The following MCCC1 variants were observed in gnomAD, a reference collection of about 807,000 sequenced individuals.
MCCC1 encodes methylcrotonoyl-CoA carboxylase subunit alpha, mitochondrial.
A neutral mutation model predicts 83.8 loss-of-function variants in MCCC1; 64 were observed. The observed-to-expected ratio is 0.76, with a 90% CI of 0.62 to 0.94. The LOEUF (loss-of-function observed/expected upper bound fraction) is 0.94, where lower values mean the gene tolerates loss of function less well. Among genes scored for constraint, MCCC1 ranks in the 40% least tolerant of loss-of-function variants. The pLI is 0.00. For missense variants in MCCC1, 807 were observed against 904.7 expected, an observed-to-expected ratio of 0.89 and a Z score of 1.39; for synonymous variants, 322 against 315.4, an observed-to-expected ratio of 1.02 and a Z score of -0.22.
intron 4 of MCCC1, among the ~76,000 whole-genome samples, chr3:183,078,768 T>C (rs1276319720): frequency 6.6e-6 from 1 of 152,222 alleles, no homozygotes; most frequent in African/African-American, 2.4e-5. Context: ...TAGTCTGTTT[T>C]CACACTGCTG....
chr3:183,034,453 T>TC (rs1183887448), intron 13 of MCCC1, among the ~76,000 whole-genome samples: 1 of 63,402 alleles, frequency 1.6e-5, no homozygotes, highest in Non-Finnish European at 2.9e-5. Context: ...AGACTCCGTC[T>TC]CAAAAAAAAA....
chr3:183,101,385 G>A (rs1719286273), upstream of MCCC1, among the ~76,000 whole-genome samples: 3 of 152,240 alleles, frequency 2.0e-5, no homozygotes, highest in Admixed American at 2.0e-4. Flanking sequence ...GGGACGTGGA[G>A]AGTCTTTATA....
intron 10 of MCCC1, among the ~76,000 whole-genome samples, chr3:183,043,476 A>G (rs1714284987): frequency 6.6e-6 from 1 of 152,164 alleles, no homozygotes; most frequent in Non-Finnish European, 1.5e-5. Context: ...TTCCCTGAAC[A>G]CTGTTAACTA....
At chr3:183,047,996 C>G (rs1714679082) in intron 9 of MCCC1, among the ~76,000 whole-genome samples, 1 of 152,084 alleles carries the variant, frequency 6.6e-6, no homozygotes, top group Non-Finnish European at 1.5e-5. Context: ...TATATCTAAA[C>G]CTAAAGAAAG....
At chr3:183,054,051 T>G (rs1264225003) in intron 8 of MCCC1, among the ~76,000 whole-genome samples, 2 of 148,586 alleles carry the variant, frequency 1.3e-5, no homozygotes, top group Non-Finnish European at 3.0e-5. Context: ...CCAGATAATT[T>G]TTATATTTTT....
intron 15 of MCCC1, 58 bp downstream of exon 15, chr3:183,025,697 C>G: frequency 7.2e-7 from 1 of 1,393,550 alleles, no homozygotes; most frequent in Non-Finnish European, 1.0e-6. Flanking sequence ...AGACCCTATT[C>G]AGTATAAAAG....
In MCCC1 at chr3:183,055,125, C is replaced by T. The variant is rs142912087; in HGVS notation, c.873+2186G>A. ...GCATTAAAAAGGATAAAAAGCTGGCCGGGTGCGGTGGCTCAAGCCTGTACT... is the reference window on the plus strand; with the variant it reads ...GCATTAAAAAGGATAAAAAGCTGGCTGGGTGCGGTGGCTCAAGCCTGTACT... On this transcript the variant is annotated intron_variant, in intron 8 of 18. Transcript: ENST00000265594. 6.7e-3 allele frequency among the ~76,000 whole-genome samples: 1,015 copies of T among 152,086 alleles called. 9 individuals are homozygous for T. The highest frequency in any genetic ancestry group is 0.023 in the African/African-American group (958 of 41,466).
intron 3 of MCCC1, among the ~76,000 whole-genome samples, chr3:183,087,745 C>G (rs913934954): frequency 4.7e-5 from 7 of 148,440 alleles, no homozygotes; most frequent in Non-Finnish European, 8.9e-5. Flanking sequence ...GTGGTCGGCA[C>G]CCGTAGTCCC....
chr3:183,084,484 T>C lies in MCCC1; in HGVS notation c.369+2209A>G, dbSNP rs568634164. Among the ~76,000 whole-genome samples the C allele has an allele frequency of 7.9e-5, 12 of 152,348 alleles. No homozygotes were observed. The South Asian group carries it at 1.9e-3, about 24-fold the overall frequency. On this transcript the variant is annotated intron_variant, in intron 4 of 18. Coordinates refer to ENST00000265594, the MANE Select transcript of MCCC1 (RefSeq NM_020166.5). ...TCTCCTTACCCTCCTAAGGACCTTT[T>C]ACTTCAAGCTGTAACCAAAAAAGCT...
At chr3:183,046,508 C>G (rs1315526279) in intron 9 of MCCC1, among the ~76,000 whole-genome samples, 1 of 151,852 alleles carries the variant, frequency 6.6e-6, no homozygotes, top group Non-Finnish European at 1.5e-5. Context: ...AGCAATTCCT[C>G]CACCTCAGCC....
chr3:183,055,884 C>T (rs755852229), intron 8 of MCCC1, among the ~76,000 whole-genome samples: 7 of 152,056 alleles, frequency 4.6e-5, no homozygotes, highest in Non-Finnish European at 8.8e-5. Context: ...GATGACAAAG[C>T]GAGACCCTGT....
At chr3:183,060,374 A>G (rs1377372024) in intron 7 of MCCC1, among the ~76,000 whole-genome samples, 1 of 152,218 alleles carries the variant, frequency 6.6e-6, no homozygotes, top group East Asian at 1.9e-4. Flanking sequence ...TAACAAAATT[A>G]TAGGAAAAAG....
upstream of MCCC1, among the ~76,000 whole-genome samples, chr3:183,103,634 C>T (rs146916190): frequency 1.9e-4 from 29 of 152,310 alleles, no homozygotes; most frequent in African/African-American, 6.7e-4. Context: ...CTGAGCTAGA[C>T]GTAAAGGTTC....
chr3:183,024,588 C>A (rs2108444797), intron 15 of MCCC1, among the ~76,000 whole-genome samples: 1 of 150,964 alleles, frequency 6.6e-6, no homozygotes. Flanking sequence ...ATACTACTAC[C>A]TCACACTCAT....
In MCCC1 at chr3:183,031,482, T is replaced by C. The variant is rs1326122065; in HGVS notation, c.1681+2509A>G. Among the ~76,000 whole-genome samples the C allele has an allele frequency of 2.0e-5, 3 of 147,672 alleles. No individual in the cohort carries two copies. The East Asian group carries it at 6.0e-4, about 30-fold the overall frequency. On this transcript the variant is annotated intron_variant, in intron 14 of 18. Coordinates refer to ENST00000265594, the MANE Select transcript of MCCC1 (RefSeq NM_020166.5). ...GCTTCTGCTTTGGACTCATAAATGC[T>C]TCTGGCACCTTTTTTTTTTTTTTTT...
At chr3:183,099,257 C>G (rs1156297968) in intron 1 of MCCC1, 95 bp downstream of exon 1, 2 of 1,435,624 alleles carry the variant, frequency 1.4e-6, no homozygotes, top group South Asian at 1.2e-5. Context: ...CTCCCCACAC[C>G]GACCCTGGGT....
Position 183,064,177 on chromosome 3 carries a change from T to C in MCCC1, c.762-6755A>G, listed in dbSNP as rs1716065418. ...ACTCTTTGCTGACGGCGGTCGGTGA[T>C]AGGATTAGGCATGTACAGGATGGTG... is the stretch of plus-strand genomic sequence containing the variant. On this transcript the variant is annotated intron_variant, in intron 7 of 18. Coordinates refer to ENST00000265594, the MANE Select transcript of MCCC1 (RefSeq NM_020166.5). The surrounding 1 kb of genome is among the most constrained non-coding windows in gnomAD (Gnocchi z 4.5). Among the ~76,000 whole-genome samples, 2 of 151,758 alleles carry C rather than the reference T, an allele frequency of 1.3e-5. 1 individual carries two copies. Among genetic ancestry groups the C allele is most frequent in the South Asian group, 4.2e-4 (2 of 4,814 alleles).
intron 4 of MCCC1, among the ~76,000 whole-genome samples, chr3:183,084,914 T>A (rs1717779264): frequency 6.6e-6 from 1 of 151,868 alleles, no homozygotes; most frequent in Non-Finnish European, 1.5e-5. Context: ...AAAAACAAAT[T>A]GAGGACTATG....
Position 183,020,140 on chromosome 3 carries a change from G to A in MCCC1, c.1967C>T (p.Thr656Ile), listed in dbSNP as rs2108437725. Residue 656 changes from threonine to isoleucine, a missense_variant, in exon 17 of 19, where the codon ACC becomes ATC. By Grantham distance (89) the Thr-to-Ile change is moderately conservative (BLOSUM62 -1). Transcript: ENST00000265594. ...ATGTCATGTGATTACCTTTTCAATGGTTCCAGTCATAGGAGCTAAGGGGCC... is the reference window on the plus strand; with the variant it reads ...ATGTCATGTGATTACCTTTTCAATGATTCCAGTCATAGGAGCTAAGGGGCC... ...QGGPLAPMTG[T>I]IEKVFVKAGD... The A allele has an allele frequency of 3.1e-6, 5 of 1,612,218 alleles. No homozygotes were observed. Among genetic ancestry groups the A allele is most frequent in the Non-Finnish European group, 4.2e-6 (5 of 1,178,310 alleles).
Sources: allele counts gnomAD v4.1 joint callset (sites outside exome capture counted in the v4.1 genomes callset), GRCh38; gene constraint gnomAD v4.1.1; non-coding constraint Gnocchi (gnomAD v3.1); transcripts MANE v1.5; gene names NCBI Gene and HGNC (gene_info 2026-07-23, HGNC 2026-07-21).